TAOK1: variants seen among roughly 807,000 people sequenced by gnomAD.
TAOK1 encodes the protein serine/threonine-protein kinase TAO1.
Under a neutral mutation model 138.3 loss-of-function variants are expected in TAOK1, and 21 were observed. That is an observed-to-expected ratio of 0.15 (90% CI 0.11 to 0.22). TAOK1 has a LOEUF of 0.22. Among genes scored for constraint, TAOK1 ranks in the 10% least tolerant of loss-of-function variants. TAOK1 has a pLI of 1.00. For synonymous variants in TAOK1, 361 were observed against 398.4 expected (o/e 0.91, Z 1.12); for missense variants, 651 against 1,227.7 (o/e 0.53, Z 7.02).
At chr17:29,540,350 TTTTGTTTGTTTG>T (rs35111957) in intron 19 of TAOK1, among the ~76,000 whole-genome samples, 3 of 149,910 alleles carry the variant, frequency 2.0e-5, no homozygotes, top group Middle Eastern at 3.4e-3. Flanking sequence ...TTTTTTCTGT[TTTTGTTTGTTTG>T]TTTGTTTGTT....
chr17:29,438,501 A>G (rs1422757681), intron 1 of TAOK1, among the ~76,000 whole-genome samples: 1 of 152,164 alleles, frequency 6.6e-6, no homozygotes, highest in Non-Finnish European at 1.5e-5. Flanking sequence ...CGTGGGTAAC[A>G]TGGCAAAACC....
At chr17:29,416,872 C>T (rs1905276475) in intron 1 of TAOK1, among the ~76,000 whole-genome samples, 1 of 152,144 alleles carries the variant, frequency 6.6e-6, no homozygotes, top group Non-Finnish European at 1.5e-5. Flanking sequence ...TTGTTAAATG[C>T]AATTACAATC....
At chr17:29,530,265 G>A (rs953094940) in intron 17 of TAOK1, 142 bp from the exon 18 acceptor site, 3 of 701,218 alleles carry the variant, frequency 4.3e-6, no homozygotes, top group Admixed American at 5.9e-5. Context: ...AGTGCAAAAA[G>A]TACCTGCAAC....
At chr17:29,479,162 A>T (rs547762906) in intron 6 of TAOK1, among the ~76,000 whole-genome samples, 14 of 151,514 alleles carry the variant, frequency 9.2e-5, no homozygotes, top group African/African-American at 3.4e-4. Context: ...AAAAAAAAAC[A>T]GAAGCTGCTT....
intron 19 of TAOK1, among the ~76,000 whole-genome samples, chr17:29,540,122 A>C (rs1246912982): frequency 6.6e-6 from 1 of 152,224 alleles, no homozygotes; most frequent in Non-Finnish European, 1.5e-5. Flanking sequence ...GAAATTACAA[A>C]CAGGCCAGGA....
chr17:29,508,476 G>A (rs1007040515), intron 14 of TAOK1, among the ~76,000 whole-genome samples: 1 of 152,110 alleles, frequency 6.6e-6, no homozygotes, highest in Non-Finnish European at 1.5e-5. Context: ...CTAGGTCTGG[G>A]AACTAATAAG....
chr17:29,438,837 C>G (rs1906119018), intron 1 of TAOK1, among the ~76,000 whole-genome samples: 1 of 152,136 alleles, frequency 6.6e-6, no homozygotes, highest in African/African-American at 2.4e-5. Flanking sequence ...TGTTGTTGGA[C>G]TTTAGTAATT....
intron 1 of TAOK1, among the ~76,000 whole-genome samples, chr17:29,423,638 T>C (rs1439170111): frequency 6.6e-6 from 1 of 152,206 alleles, no homozygotes; most frequent in Non-Finnish European, 1.5e-5. Context: ...TAGAAGTGTG[T>C]TGTTTAATTT....
At chr17:29,519,975 C>T (rs1490212266) in intron 16 of TAOK1, among the ~76,000 whole-genome samples, 1 of 151,752 alleles carries the variant, frequency 6.6e-6, no homozygotes, top group Non-Finnish European at 1.5e-5. Flanking sequence ...GTCAAGAGTT[C>T]GAGGACAGCC....
chr17:29,450,943 G>A (rs955461442), intron 1 of TAOK1, among the ~76,000 whole-genome samples: 1 of 152,218 alleles, frequency 6.6e-6, no homozygotes, highest in African/African-American at 2.4e-5. Flanking sequence ...ATATTTTAAT[G>A]TGAATCAGGT....
intron 1 of TAOK1, among the ~76,000 whole-genome samples, chr17:29,437,119 A>G (rs1353614736): frequency 6.6e-6 from 1 of 152,134 alleles, no homozygotes; most frequent in African/African-American, 2.4e-5. Context: ...GCTGGAGTGC[A>G]GTGGTGTGAT....
intron 1 of TAOK1, among the ~76,000 whole-genome samples, chr17:29,412,684 AT>A (rs1342147722): frequency 6.6e-6 from 1 of 152,218 alleles, no homozygotes; most frequent in Non-Finnish European, 1.5e-5. Context: ...ATCTAATTGA[AT>A]TTTTAAAGTT....
chr17:29,504,415 A>G (rs2031592186), intron 13 of TAOK1, among the ~76,000 whole-genome samples: 1 of 152,148 alleles, frequency 6.6e-6, no homozygotes, highest in African/African-American at 2.4e-5. Flanking sequence ...CACACCTGTA[A>G]TCCCAGCACT....
chr17:29,480,777 G>A (rs942228832), intron 7 of TAOK1, among the ~76,000 whole-genome samples: 13 of 148,046 alleles, frequency 8.8e-5, no homozygotes, highest in Non-Finnish European at 1.6e-4. Flanking sequence ...GGCTGAGGTA[G>A]GAGAATCACT....
chr17:29,483,447 G>T (rs1041822852), intron 8 of TAOK1, among the ~76,000 whole-genome samples: 1 of 152,080 alleles, frequency 6.6e-6, no homozygotes, highest in South Asian at 2.1e-4. Flanking sequence ...TGGTAATTTT[G>T]ATTAATCATT....
chr17:29,402,808 G>A (rs1002969216), intron 1 of TAOK1, among the ~76,000 whole-genome samples: 2 of 151,820 alleles, frequency 1.3e-5, no homozygotes, highest in Admixed American at 6.6e-5. Flanking sequence ...AGGCCGAGGT[G>A]GGTGGATCAC....
intron 3 of TAOK1, among the ~76,000 whole-genome samples, chr17:29,472,223 A>G (rs2030834633): frequency 6.6e-6 from 1 of 151,770 alleles, no homozygotes; most frequent in African/African-American, 2.4e-5. Flanking sequence ...CCATCAGACA[A>G]ATTGCTGTCT....
chr17:29,478,426 G>T, intron 6 of TAOK1, 79 bp downstream of exon 6: 1 of 996,942 alleles, frequency 1.0e-6, no homozygotes, highest in Non-Finnish European at 1.4e-6. Context: ...TAACTCTAAA[G>T]TTTTTATTGG....
chr17:29,417,763 G>T (rs1034227360), intron 1 of TAOK1, among the ~76,000 whole-genome samples: 17 of 152,108 alleles, frequency 1.1e-4, no homozygotes, highest in Non-Finnish European at 2.2e-4. Flanking sequence ...GGCACCTGCC[G>T]CCCTTTCCCC....
Sources: allele counts gnomAD v4.1 joint callset (sites outside exome capture counted in the v4.1 genomes callset), GRCh38; gene constraint gnomAD v4.1.1; transcripts MANE v1.5; gene names NCBI Gene and HGNC (gene_info 2026-07-23, HGNC 2026-07-21).